Variants in AFG2A observed in about 807,000 individuals in gnomAD.
AFG2A encodes the protein ATPase family gene 2 protein homolog A.
chr4:123,239,625 A>T, the AFG2A span, among the ~76,000 whole-genome samples: 3 of 152,212 alleles, frequency 2.0e-5, no homozygotes, highest in Admixed American at 2.0e-4. Flanking sequence ...AGACAAGCAA[A>T]TGCTGAGAGA....
chr4:123,023,757 C>T, the AFG2A span, among the ~76,000 whole-genome samples: 13 of 152,052 alleles, frequency 8.5e-5, no homozygotes, highest in African/African-American at 2.2e-4. Context: ...TGGCAGCCTC[C>T]GAGCCGGTTA....
the AFG2A span, among the ~76,000 whole-genome samples, chr4:123,035,190 G>C: frequency 6.6e-6 from 1 of 152,040 alleles, no homozygotes; most frequent in African/African-American, 2.4e-5. Context: ...TTAGTGTTTT[G>C]GTTATTTTTT....
chr4:123,007,838 T>G, the AFG2A span, among the ~76,000 whole-genome samples: 1 of 151,866 alleles, frequency 6.6e-6, no homozygotes, highest in South Asian at 2.1e-4. Flanking sequence ...TGCTGTGACC[T>G]GTGAACTTTT....
the AFG2A span, among the ~76,000 whole-genome samples, chr4:123,274,862 C>T: frequency 6.6e-6 from 1 of 151,994 alleles, no homozygotes; most frequent in South Asian, 2.1e-4. Flanking sequence ...TTATTGAGGG[C>T]CATAATTTTC....
At chr4:123,227,911 T>C in the AFG2A span, among the ~76,000 whole-genome samples, 83 of 152,208 alleles carry the variant, frequency 5.5e-4, no homozygotes, top group Non-Finnish European at 9.3e-4. Context: ...TGTGTGCATA[T>C]ATATTTAGGA....
At chr4:123,154,124 A>G in the AFG2A span, among the ~76,000 whole-genome samples, 1 of 152,186 alleles carries the variant, frequency 6.6e-6, no homozygotes, top group Non-Finnish European at 1.5e-5. Context: ...CTGGAGGAAA[A>G]TGAAGCAGAT....
At chr4:123,077,050 T>G in the AFG2A span, among the ~76,000 whole-genome samples, 56,439 of 135,888 alleles carry the variant, frequency 0.42, 13,968 homozygotes, top group Non-Finnish European at 0.57. Flanking sequence ...GTTGTTGTTT[T>G]TTTTTTTTTT....
the AFG2A span, among the ~76,000 whole-genome samples, chr4:123,226,248 G>A: frequency 6.6e-6 from 1 of 152,136 alleles, no homozygotes. Context: ...CCAACACTAT[G>A]TTGAATAGGA....
At chr4:122,995,265 C>T in the AFG2A span, among the ~76,000 whole-genome samples, 15 of 152,086 alleles carry the variant, frequency 9.9e-5, no homozygotes, top group African/African-American at 2.9e-4. Flanking sequence ...TGTGGAAATG[C>T]TATTAATTCC....
the AFG2A span, among the ~76,000 whole-genome samples, chr4:123,040,664 ATTGTT>A: frequency 2.0e-5 from 3 of 152,072 alleles, no homozygotes; most frequent in East Asian, 3.8e-4. Context: ...TTGATTTGGT[ATTGTT>A]TCTTTTTCTT....
At chr4:123,095,042 A>T in the AFG2A span, among the ~76,000 whole-genome samples, 122 of 114,102 alleles carry the variant, frequency 1.1e-3, no homozygotes, top group Middle Eastern at 5.7e-3. Flanking sequence ...AAAAAAAAAA[A>T]ATATATATAT....
chr4:123,003,095 A>G, the AFG2A span, among the ~76,000 whole-genome samples: 1 of 152,046 alleles, frequency 6.6e-6, no homozygotes, highest in African/African-American at 2.4e-5. Flanking sequence ...AGTTGATCGC[A>G]TCGGCTCCTG....
the AFG2A span, among the ~76,000 whole-genome samples, chr4:123,073,610 G>A: frequency 6.6e-6 from 1 of 152,012 alleles, no homozygotes; most frequent in Admixed American, 6.6e-5. Context: ...TTTTCTCTCA[G>A]GTGGTTGTAC....
At chr4:122,984,563 T>C in the AFG2A span, among the ~76,000 whole-genome samples, 1 of 152,210 alleles carries the variant, frequency 6.6e-6, no homozygotes. Context: ...TTTTCCCCCA[T>C]TCAGTATTAC....
At chr4:123,126,169 T>C in the AFG2A span, among the ~76,000 whole-genome samples, 2 of 152,240 alleles carry the variant, frequency 1.3e-5, no homozygotes, top group Admixed American at 1.3e-4. Flanking sequence ...CTGGTAGTCA[T>C]GTGATATGCA....
the AFG2A span, among the ~76,000 whole-genome samples, chr4:123,087,873 C>T: frequency 6.6e-6 from 1 of 152,154 alleles, no homozygotes. Context: ...CAGCTTTTTA[C>T]TTGCTGTTAG....
chr4:123,014,525 A>G, the AFG2A span, among the ~76,000 whole-genome samples: 41 of 152,230 alleles, frequency 2.7e-4, no homozygotes, highest in East Asian at 3.1e-3. Flanking sequence ...AGTTACTTGG[A>G]TAATTTATTA....
chr4:123,135,308 A>G, the AFG2A span, among the ~76,000 whole-genome samples: 3 of 152,226 alleles, frequency 2.0e-5, no homozygotes, highest in African/African-American at 4.8e-5. Context: ...AGCATACTCA[A>G]TACTGAAGAG....
chr4:123,292,124 C>T, the AFG2A span, among the ~76,000 whole-genome samples: 9 of 152,132 alleles, frequency 5.9e-5, no homozygotes, highest in Admixed American at 4.6e-4. Flanking sequence ...TCTCTTCAAG[C>T]TCTGACATCC....
Sources: gnomAD v4.1 joint callset for allele counts (sites outside exome capture counted in the v4.1 genomes callset) on GRCh38, gnomAD v4.1.1 for gene constraint, MANE v1.5 for transcripts, NCBI Gene and HGNC (gene_info 2026-07-23, HGNC 2026-07-21) for gene names.